The following HS6ST2 variants were observed in gnomAD, a reference collection of about 807,000 sequenced individuals.
HS6ST2 encodes heparan sulfate 6-O-sulfotransferase 2.
HS6ST2 carries 17 observed loss-of-function variants against 33.0 expected under a neutral mutation model. The ratio of observed to expected loss-of-function variants is 0.52; its 90% confidence interval spans 0.35 to 0.77. The LOEUF is 0.77. Among genes scored for constraint, HS6ST2 ranks in the 30% least tolerant of loss-of-function variants. HS6ST2 has a pLI of 0.01. For synonymous variants in HS6ST2, 248 were observed against 237.1 expected (o/e 1.05, Z -0.42); for missense variants, 519 against 551.7 (o/e 0.94, Z 0.59).
chrX:132,935,872 A>T (rs990632591), intron 2 of HS6ST2, among the ~76,000 whole-genome samples: 1 of 110,120 alleles, frequency 9.1e-6, no homozygotes, highest in African/African-American at 3.3e-5. Context: ...TTCTTTTTGA[A>T]AATATAGGCA....
intron 2 of HS6ST2, among the ~76,000 whole-genome samples, chrX:132,720,069 G>T (rs933432756): frequency 5.3e-5 from 6 of 112,408 alleles, no homozygotes; most frequent in African/African-American, 1.9e-4. Context: ...GGCAGTACTT[G>T]CCTCCACACA....
chrX:132,675,762 C>G (rs1251212187), intron 3 of HS6ST2, among the ~76,000 whole-genome samples: 3 of 112,044 alleles, frequency 2.7e-5, no homozygotes, highest in African/African-American at 9.7e-5. Flanking sequence ...CATCTTTTCT[C>G]TTTACCACGG....
intron 2 of HS6ST2, among the ~76,000 whole-genome samples, chrX:132,736,122 G>C (rs1299107160): frequency 1.8e-5 from 2 of 111,616 alleles, no homozygotes; most frequent in African/African-American, 6.5e-5. Flanking sequence ...TGGGATTACA[G>C]GTGTGAGCTA....
At chrX:132,861,238 G>T (rs1490897119) in intron 2 of HS6ST2, among the ~76,000 whole-genome samples, 1 of 112,281 alleles carries the variant, frequency 8.9e-6, no homozygotes, top group African/African-American at 3.2e-5. Flanking sequence ...ATTCTACAGA[G>T]TATATGTGTC....
chrX:132,726,808 A>G (rs1225031070), intron 2 of HS6ST2, among the ~76,000 whole-genome samples: 1 of 111,833 alleles, frequency 8.9e-6, no homozygotes, highest in Non-Finnish European at 1.9e-5. Flanking sequence ...AATGTTTTCA[A>G]GGTTCATCCA....
intron 2 of HS6ST2, among the ~76,000 whole-genome samples, chrX:132,817,028 G>C (rs1023060299): frequency 1.8e-5 from 2 of 111,707 alleles, no homozygotes; most frequent in South Asian, 7.6e-4. Flanking sequence ...AACTCAGGCT[G>C]CTCCACCTTG....
At chrX:132,799,936 T>C (rs2065219392) in intron 2 of HS6ST2, among the ~76,000 whole-genome samples, 1 of 112,068 alleles carries the variant, frequency 8.9e-6, no homozygotes, top group Non-Finnish European at 1.9e-5. Flanking sequence ...GACACATTGT[T>C]CTCTTTACCT....
At chrX:132,867,524 T>A (rs1398766079) in intron 2 of HS6ST2, among the ~76,000 whole-genome samples, 1 of 112,019 alleles carries the variant, frequency 8.9e-6, no homozygotes, top group Non-Finnish European at 1.9e-5. Context: ...TCCCTCTTTT[T>A]CTACTGATTG....
At position 132,821,454 on chromosome X, in the gene HS6ST2, C is replaced by T. The variant is rs7065870; in HGVS notation, c.948-112960G>A. 1.6e-3 allele frequency among the ~76,000 whole-genome samples: 173 copies of T among 109,499 alleles called. 1 individual carries two copies. Among genetic ancestry groups the T allele is most frequent in the African/African-American group, 5.0e-3 (151 of 30,104 alleles). ...GTCTTGATCTCCTGACCTTGTGATC[C>T]GCCCACCTCGGCCTCCCAAAGTGCT... is the stretch of plus-strand genomic sequence containing the variant. On this transcript the variant is annotated intron_variant, in intron 2 of 4. Transcript: ENST00000370833.
At position 132,786,598 on chromosome X, in the gene HS6ST2, T is replaced by C. The variant is rs190708489; in HGVS notation, c.948-78104A>G. 4.3e-3 allele frequency among the ~76,000 whole-genome samples: 457 copies of C among 106,099 alleles called. 1 individual carries two copies. Among genetic ancestry groups the C allele is most frequent in the African/African-American group, 0.015 (434 of 28,761 alleles). The allele number at this position is 106,099 out of a possible 115,157, so 92.1% of individuals were successfully genotyped here. On this transcript the variant is annotated intron_variant, in intron 2 of 4. Transcript: ENST00000370833. ...AATCCTTGTCATTATCTTCTTTCTC[T>C]TTGCTTCCTGTCTTTGTTTCTATTA...
At chrX:132,872,427 T>C (rs1158774483) in intron 2 of HS6ST2, among the ~76,000 whole-genome samples, 1 of 111,591 alleles carries the variant, frequency 9.0e-6, no homozygotes. Flanking sequence ...GACTCCTCGT[T>C]TTACAGATCA....
rs373455878 is a variant in HS6ST2 at position 132,682,942 on chromosome X, A to G, written c.981-13743T>C. 7.3e-5 allele frequency among the ~76,000 whole-genome samples: 8 copies of G among 109,594 alleles called. No individual in the cohort carries two copies. The East Asian group carries it at 2.3e-3, about 31-fold the overall frequency. ...ACAACATAGTGAGGGCTCGTCTCTA[A>G]ATAATAATAATAATAATTAAAATGA... On this transcript the variant is annotated intron_variant, in intron 3 of 4. Coordinates refer to ENST00000370833, the MANE Select transcript of HS6ST2 (RefSeq NM_001394073.1).
At position 132,628,522 on chromosome X, in the gene HS6ST2, G is replaced by A; in HGVS notation, c.1639C>T (p.His547Tyr). 8.3e-7 allele frequency: 1 copy of A among 1,211,067 alleles called. No individual in the cohort carries two copies. Among genetic ancestry groups the A allele is most frequent in the Non-Finnish European group, 1.1e-6 (1 of 895,317 alleles). The part of the protein sequence containing the change: ...QRYQFMRQKE[H>Y]QEARRKRQEQ... Reference sequence around the variant, plus strand: ...TGACGCTTTCGCCTGGCCTCCTGATGCTCTTTCTGCCTCATAAACTGATAC... The same window carrying A: ...TGACGCTTTCGCCTGGCCTCCTGATACTCTTTCTGCCTCATAAACTGATAC... Residue 547 changes from histidine (H) to tyrosine (Y), a missense_variant, in exon 5 of 5, where the codon CAT becomes TAT. His to Tyr is a moderately conservative substitution (Grantham distance 83). Transcript: ENST00000370833.
intron 2 of HS6ST2, among the ~76,000 whole-genome samples, chrX:132,877,752 G>A (rs1328938224): frequency 1.8e-5 from 2 of 111,208 alleles, no homozygotes; most frequent in East Asian, 2.9e-4. Flanking sequence ...TGGGACAGTG[G>A]CTAGCAGCTC....
intron 2 of HS6ST2, among the ~76,000 whole-genome samples, chrX:132,842,856 A>G (rs915310910): frequency 8.9e-6 from 1 of 112,534 alleles, no homozygotes; most frequent in Non-Finnish European, 1.9e-5. Flanking sequence ...GTATCTGGAT[A>G]AATGGCTACT....
chrX:132,919,840 C>T (rs887562220), intron 2 of HS6ST2, among the ~76,000 whole-genome samples: 4 of 111,807 alleles, frequency 3.6e-5, no homozygotes, highest in African/African-American at 1.3e-4. Flanking sequence ...TTTAAAGCTG[C>T]CTGAACACAT....
At chrX:132,778,135 C>T (rs2064982164) in intron 2 of HS6ST2, among the ~76,000 whole-genome samples, 1 of 111,833 alleles carries the variant, frequency 8.9e-6, no homozygotes, top group South Asian at 3.8e-4. Context: ...AGAGATTAGG[C>T]TCCAAGTATA....
At chrX:132,693,076 C>T (rs1249259815) in intron 3 of HS6ST2, among the ~76,000 whole-genome samples, 1 of 112,106 alleles carries the variant, frequency 8.9e-6, no homozygotes, top group Non-Finnish European at 1.9e-5. Context: ...GCTACCTATT[C>T]TTGGCCACAC....
intron 2 of HS6ST2, among the ~76,000 whole-genome samples, chrX:132,877,958 C>A: frequency 9.0e-6 from 1 of 110,845 alleles, no homozygotes; most frequent in Admixed American, 9.6e-5. Flanking sequence ...AGAAGGAAAC[C>A]ACTTGAGTAA....
Sources: gnomAD v4.1 joint callset for allele counts (sites outside exome capture counted in the v4.1 genomes callset) on GRCh38, gnomAD v4.1.1 for gene constraint, MANE v1.5 for transcripts, NCBI Gene and HGNC (gene_info 2026-07-23, HGNC 2026-07-21) for gene names.